The following CDKN2B-AS1 variants were observed in gnomAD, a reference collection of about 807,000 sequenced individuals.
CDKN2B-AS1 encodes CDKN2B antisense RNA 1 (non-protein coding).
At chr9:22,125,976 G>GA (rs537453879) in intron 4 of CDKN2B-AS1, among the ~76,000 whole-genome samples, 192 of 152,238 alleles carry the variant, frequency 1.3e-3, no homozygotes, top group African/African-American at 3.7e-3. Flanking sequence ...AGAAAATTCA[G>GA]AAAAAACTAC....
chr9:22,062,976 G>GAC (rs534087244), intron 4 of CDKN2B-AS1, among the ~76,000 whole-genome samples: 114 of 125,320 alleles, frequency 9.1e-4, no homozygotes, highest in Non-Finnish European at 1.5e-3. Flanking sequence ...GTGAAAGACA[G>GAC]ACACACACAC....
chr9:22,114,009 C>T (rs981994328), intron 4 of CDKN2B-AS1, among the ~76,000 whole-genome samples: 6 of 152,146 alleles, frequency 3.9e-5, no homozygotes, highest in African/African-American at 7.2e-5. Context: ...GAAAATACGT[C>T]GAGTCCTTTT....
intron 4 of CDKN2B-AS1, among the ~76,000 whole-genome samples, chr9:22,116,479 A>AT: frequency 6.6e-6 from 1 of 152,372 alleles, no homozygotes; most frequent in African/African-American, 2.4e-5. Context: ...AGATAGTGCT[A>AT]TAACTACTGG....
exon 5 of CDKN2B-AS1, among the ~76,000 whole-genome samples, chr9:22,128,015 G>T (rs1482095693): frequency 6.6e-6 from 1 of 152,072 alleles, no homozygotes; most frequent in Non-Finnish European, 1.5e-5. Flanking sequence ...CCGCTCATCT[G>T]GAAAATGATG....
chr9:21,996,713 G>A lies in CDKN2B-AS1; in HGVS notation n.29+1552G>A, dbSNP rs76037447. Among the ~76,000 whole-genome samples the A allele has an allele frequency of 7.2e-5, 11 of 152,250 alleles. No individual in the cohort carries two copies. In the East Asian group the frequency reaches 1.9e-3, roughly 27 times the overall value. ...AGCCGGCCTCCGCCTCTGTAGGGGG[G>A]CATTAGGTTTTCTGTCCCACAGAGG... On this transcript the variant is annotated intron_variant and non_coding_transcript_variant, in intron 1 of 4. Transcript: ENST00000650946. The surrounding 1 kb of genome is among the most constrained non-coding windows in gnomAD (Gnocchi z 5.4).
At chr9:22,114,662 T>C (rs1825898064) in intron 4 of CDKN2B-AS1, among the ~76,000 whole-genome samples, 2 of 152,238 alleles carry the variant, frequency 1.3e-5, no homozygotes, top group Admixed American at 6.5e-5. Context: ...TGCTTAGTAA[T>C]TGGCTGGGAG....
intron 4 of CDKN2B-AS1, among the ~76,000 whole-genome samples, chr9:22,102,353 G>T (rs950238381): frequency 2.0e-5 from 3 of 152,200 alleles, no homozygotes; most frequent in Non-Finnish European, 4.4e-5. Flanking sequence ...GTAAGGGATT[G>T]TGTAAGTTTT....
chr9:22,038,720 G>A (rs1035239144), intron 1 of CDKN2B-AS1, among the ~76,000 whole-genome samples: 3 of 151,966 alleles, frequency 2.0e-5, no homozygotes, highest in Non-Finnish European at 4.4e-5. Context: ...TAATGATAGA[G>A]ACCAACAATG....
intron 1 of CDKN2B-AS1, chr9:22,046,713 A>T (rs920984266): frequency 2.6e-5 from 4 of 152,080 alleles, no homozygotes; most frequent in African/African-American, 9.7e-5. Flanking sequence ...CAACCAAAGG[A>T]TTAATTAACA....
At chr9:22,068,612 AG>A (rs1486845510) in intron 4 of CDKN2B-AS1, among the ~76,000 whole-genome samples, 1 of 152,162 alleles carries the variant, frequency 6.6e-6, no homozygotes, top group Non-Finnish European at 1.5e-5. Flanking sequence ...ACTCTTTTCC[AG>A]TGACGTAGTG....
chr9:22,035,558 C>T (rs1822654534), intron 1 of CDKN2B-AS1, among the ~76,000 whole-genome samples: 1 of 152,106 alleles, frequency 6.6e-6, no homozygotes, highest in Non-Finnish European at 1.5e-5. Context: ...CTAGGTGTGC[C>T]TAGCTTGGTC....
intron 4 of CDKN2B-AS1, among the ~76,000 whole-genome samples, chr9:22,086,612 A>C (rs1186352110): frequency 6.6e-6 from 1 of 152,190 alleles, no homozygotes; most frequent in Non-Finnish European, 1.5e-5. Flanking sequence ...TAAAAACAAT[A>C]ACAGTAACCC....
intron 4 of CDKN2B-AS1, among the ~76,000 whole-genome samples, chr9:22,062,989 A>G (rs1286043800): frequency 6.8e-6 from 1 of 146,162 alleles, no homozygotes; most frequent in Non-Finnish European, 1.5e-5. Context: ...ACACACACAT[A>G]TATATATATA....
rs1025941833 is a variant in CDKN2B-AS1 at position 22,005,418 on chromosome 9, T to A, written n.29+10257T>A. On this transcript the variant is annotated intron_variant and non_coding_transcript_variant, in intron 1 of 4. Coordinates refer to ENST00000650946, the Ensembl canonical transcript of CDKN2B-AS1. The surrounding 1 kb of genome is among the most constrained non-coding windows in gnomAD (Gnocchi z 4.9). ...TGTCGTTTACGCATGTGACTTGCCATGCGCTCAAACTAAAGCGCCGCCGGG... is the reference window on the plus strand; with the variant it reads ...TGTCGTTTACGCATGTGACTTGCCAAGCGCTCAAACTAAAGCGCCGCCGGG... 4 of 246,978 alleles carry A rather than the reference T, an allele frequency of 1.6e-5. No homozygotes were observed. The highest frequency in any genetic ancestry group is 6.6e-5 in the African/African-American group (3 of 45,424). 15.3% of individuals were successfully genotyped at this position (246,978 alleles called of 1,614,324 possible).
chr9:22,054,657 T>C (rs1326911540), intron 3 of CDKN2B-AS1, among the ~76,000 whole-genome samples: 1 of 151,664 alleles, frequency 6.6e-6, no homozygotes, highest in African/African-American at 2.4e-5. Flanking sequence ...TGAAAACCTG[T>C]GTTCTTTCAG....
intron 4 of CDKN2B-AS1, among the ~76,000 whole-genome samples, chr9:22,100,845 A>G (rs1224377234): frequency 6.6e-6 from 1 of 152,178 alleles, no homozygotes; most frequent in African/African-American, 2.4e-5. Context: ...ACTTAAGCCT[A>G]GTGGTTGTGA....
At position 22,005,343 on chromosome 9, in the gene CDKN2B-AS1, C is replaced by A; in HGVS notation, n.29+10182C>A. 1 of 241,984 alleles carries A rather than the reference C, an allele frequency of 4.1e-6. No individual in the cohort carries two copies. The highest frequency in any genetic ancestry group is 5.1e-5 in the Admixed American group (1 of 19,622). 15.0% of individuals were successfully genotyped at this position (241,984 alleles called of 1,614,324 possible). On this transcript the variant is annotated intron_variant and non_coding_transcript_variant, in intron 1 of 4. Transcript: ENST00000650946. The surrounding 1 kb of genome is among the most constrained non-coding windows in gnomAD (Gnocchi z 4.9). The stretch of plus-strand genomic sequence containing the variant: ...CGTCGCTTGCACATCCTCTCTTACC[C>A]CTCTGCTATCTGGTGGAGTTGGGCG...
chr9:22,083,532 A>G (rs1824769715), intron 4 of CDKN2B-AS1, among the ~76,000 whole-genome samples: 1 of 152,202 alleles, frequency 6.6e-6, no homozygotes, highest in African/African-American at 2.4e-5. Flanking sequence ...TTGAATGAAG[A>G]TTCCCATGGC....
At chr9:22,073,307 C>T (rs143382286) in intron 4 of CDKN2B-AS1, among the ~76,000 whole-genome samples, 32 of 152,214 alleles carry the variant, frequency 2.1e-4, no homozygotes, top group East Asian at 1.2e-3. Flanking sequence ...AATATTTTCA[C>T]GATTCAAAAA....
Sources: gnomAD v4.1 joint callset for allele counts (sites outside exome capture counted in the v4.1 genomes callset) on GRCh38, gnomAD v4.1.1 for gene constraint, Gnocchi (gnomAD v3.1) non-coding constraint, MANE v1.5 for transcripts, NCBI Gene and HGNC (gene_info 2026-07-23, HGNC 2026-07-21) for gene names.